EXOC6B: variants seen among roughly 807,000 people sequenced by gnomAD.
EXOC6B encodes the protein exocyst complex component 6B.
In EXOC6B, 54 loss-of-function variants were observed where a neutral mutation model predicts 113.5. The ratio of observed to expected loss-of-function variants is 0.48; its 90% CI spans 0.38 to 0.60. The LOEUF (loss-of-function observed/expected upper bound fraction) is 0.60, where lower values mean the gene tolerates loss of function less well. EXOC6B is among the 20% of genes least tolerant of loss of function. The pLI is 0.00. For missense variants in EXOC6B, 797 were observed against 977.5 expected, an observed-to-expected ratio of 0.82 and a Z score of 2.46; for synonymous variants, 357 against 339.0, an observed-to-expected ratio of 1.05 and a Z score of -0.58.
At chr2:72,307,229 TC>T (rs1686928745) in intron 20 of EXOC6B, among the ~76,000 whole-genome samples, 1 of 149,346 alleles carries the variant, frequency 6.7e-6, no homozygotes, top group African/African-American at 2.6e-5. Context: ...AATCTCGGCC[TC>T]CCAGGTTCAA....
intron 17 of EXOC6B, among the ~76,000 whole-genome samples, chr2:72,478,773 G>GT (rs1205408616): frequency 2.0e-5 from 3 of 152,226 alleles, no homozygotes; most frequent in Admixed American, 6.5e-5. Context: ...GAGAGAAAGA[G>GT]TATCAGTGGA....
chr2:72,486,368 C>CAA (rs761621153), intron 16 of EXOC6B, among the ~76,000 whole-genome samples: 2 of 117,304 alleles, frequency 1.7e-5, no homozygotes, highest in African/African-American at 3.2e-5. Flanking sequence ...GACTCCATCT[C>CAA]AAAAAAAAAA....
intron 18 of EXOC6B, among the ~76,000 whole-genome samples, chr2:72,385,893 C>A (rs901082192): frequency 6.6e-6 from 1 of 152,074 alleles, no homozygotes; most frequent in Non-Finnish European, 1.5e-5. Context: ...GAAGAGGGAA[C>A]CTTTGTCAAC....
chr2:72,539,084 A>T (rs1306351373), intron 8 of EXOC6B, among the ~76,000 whole-genome samples: 1 of 152,202 alleles, frequency 6.6e-6, no homozygotes, highest in Non-Finnish European at 1.5e-5. Context: ...AGAACACAGC[A>T]GTATCCACAA....
At position 72,300,719 on chromosome 2, in the gene EXOC6B, C is replaced by T. The variant is rs150986483; in HGVS notation, c.2196+34228G>A. 3.5e-3 allele frequency among the ~76,000 whole-genome samples: 539 copies of T among 152,276 alleles called. 2 individuals are homozygous for T. Among genetic ancestry groups the T allele is most frequent in the African/African-American group, 0.012 (509 of 41,560 alleles). The stretch of plus-strand genomic sequence containing the variant: ...CCATGGGAAAAGTGCAGTATCTGGC[C>T]GGAGTGCGAGTGCACCATTCCTCCG... On this transcript the variant is annotated intron_variant, in intron 20 of 21. Transcript: ENST00000272427.
At chr2:72,684,718 A>G (rs1479057085) in intron 6 of EXOC6B, among the ~76,000 whole-genome samples, 1 of 152,250 alleles carries the variant, frequency 6.6e-6, no homozygotes, top group African/African-American at 2.4e-5. Context: ...ATAAAAGAGT[A>G]CATACTGTAT....
chr2:72,467,482 C>G (rs1698126722), intron 17 of EXOC6B, among the ~76,000 whole-genome samples: 1 of 152,170 alleles, frequency 6.6e-6, no homozygotes, highest in African/African-American at 2.4e-5. Flanking sequence ...TCCACATCCT[C>G]TCCAATACTT....
intron 7 of EXOC6B, among the ~76,000 whole-genome samples, chr2:72,566,838 A>C (rs1234106509): frequency 1.3e-5 from 2 of 152,108 alleles, no homozygotes; most frequent in South Asian, 2.1e-4. Flanking sequence ...ACTATTTAGC[A>C]GTAAAAATAG....
chr2:72,469,850 A>G (rs1698285889), intron 17 of EXOC6B, among the ~76,000 whole-genome samples: 1 of 152,124 alleles, frequency 6.6e-6, no homozygotes, highest in Non-Finnish European at 1.5e-5. Context: ...AGTGTTCCAG[A>G]AATTTTAATG....
rs139994906 is a variant in EXOC6B at position 72,325,120 on chromosome 2, A to T, written c.2196+9827T>A. On this transcript the variant is annotated intron_variant, in intron 20 of 21. Transcript: ENST00000272427. ...CTGTCCTTTCACACAAATGTTATCC[A>T]GAAAGGCTTCATGCCCACGTTGAAT... Among the ~76,000 whole-genome samples the T allele has an allele frequency of 1.8e-4, 28 of 152,316 alleles. No homozygotes were observed. The East Asian group carries it at 5.4e-3, about 29-fold the overall frequency.
intron 20 of EXOC6B, among the ~76,000 whole-genome samples, chr2:72,288,597 C>T (rs980782537): frequency 6.6e-6 from 1 of 151,878 alleles, no homozygotes; most frequent in African/African-American, 2.4e-5. Context: ...AGAAGCTAGA[C>T]ATAAAAGAGT....
intron 11 of EXOC6B, 64 bp downstream of exon 11, chr2:72,513,068 G>A: frequency 6.3e-7 from 1 of 1,576,678 alleles, no homozygotes; most frequent in Non-Finnish European, 8.6e-7. Context: ...TTTTAAAGCA[G>A]TAAAACACTG....
At chr2:72,749,629 T>C (rs1681915026) in intron 1 of EXOC6B, among the ~76,000 whole-genome samples, 1 of 151,974 alleles carries the variant, frequency 6.6e-6, no homozygotes, top group Non-Finnish European at 1.5e-5. Flanking sequence ...TCTGAAGACA[T>C]ATGCAAATAT....
chr2:72,443,690 CAA>C (rs957615657), intron 18 of EXOC6B, among the ~76,000 whole-genome samples: 6 of 152,248 alleles, frequency 3.9e-5, no homozygotes, highest in African/African-American at 1.4e-4. Flanking sequence ...TACCGGCAGA[CAA>C]GAGAGAATAT....
At chr2:72,737,407 T>C (rs1395046613) in intron 2 of EXOC6B, among the ~76,000 whole-genome samples, 2 of 152,132 alleles carry the variant, frequency 1.3e-5, no homozygotes, top group South Asian at 2.1e-4. Context: ...TTTTAATAGA[T>C]GTAGAAATAA....
At chr2:72,734,225 C>A (rs1680816171) in intron 2 of EXOC6B, among the ~76,000 whole-genome samples, 1 of 152,110 alleles carries the variant, frequency 6.6e-6, no homozygotes, top group Non-Finnish European at 1.5e-5. Context: ...AGCAGATTAC[C>A]ATATGCACCT....
chr2:72,815,895 A>G (rs920332386), intron 1 of EXOC6B, among the ~76,000 whole-genome samples: 1 of 152,250 alleles, frequency 6.6e-6, no homozygotes, highest in Non-Finnish European at 1.5e-5. Context: ...GCAGTGGCTC[A>G]GGCATGTAAT....
intron 4 of EXOC6B, 24 bp downstream of exon 4, chr2:72,731,130 TC>T (rs764335405): frequency 1.3e-6 from 2 of 1,597,866 alleles, no homozygotes; most frequent in African/African-American, 2.7e-5. Flanking sequence ...ACACCAAGAA[TC>T]CTTCTCCATT....
Position 72,309,055 on chromosome 2 carries a change from A to T in EXOC6B, c.2196+25892T>A, listed in dbSNP as rs188647862. 1.4e-4 allele frequency among the ~76,000 whole-genome samples: 22 copies of T among 152,278 alleles called. No individual in the cohort carries two copies. The East Asian group carries it at 4.1e-3, about 28-fold the overall frequency. On this transcript the variant is annotated intron_variant, in intron 20 of 21. Coordinates refer to ENST00000272427, the MANE Select transcript of EXOC6B (RefSeq NM_015189.3). ...TAAAAAATAAGTCATCTCAAGCAGA[A>T]TTATGAGAGAGGAAAAGATAACCCT...
Sources: allele counts gnomAD v4.1 joint callset (sites outside exome capture counted in the v4.1 genomes callset), GRCh38; gene constraint gnomAD v4.1.1; transcripts MANE v1.5; gene names NCBI Gene and HGNC (gene_info 2026-07-23, HGNC 2026-07-21).